COL5A2: variants seen among roughly 807,000 people sequenced by gnomAD.
COL5A2 encodes collagen type V alpha 2 chain.
Under a neutral mutation model 208.2 loss-of-function variants are expected in COL5A2, and 23 were observed. The ratio of observed to expected loss-of-function variants is 0.11; its 90% CI spans 0.08 to 0.16. The LOEUF (loss-of-function observed/expected upper bound fraction) is 0.16, where lower values mean the gene tolerates loss of function less well. Ranked by LOEUF, COL5A2 falls within the 10% of genes least tolerant of loss-of-function variation. The pLI is 1.00. For synonymous variants in COL5A2, 625 were observed against 628.5 expected (o/e 0.99, Z 0.08); for missense variants, 1,590 against 1,956.4 (o/e 0.81, Z 3.53).
rs371078240 is a variant in COL5A2, at chr2:189,126,351, A to G, written c.98-15902T>C. On this transcript the variant is annotated intron_variant, in intron 1 of 53. Transcript: ENST00000374866. ...TTTAAGTTGTGATTAAACCCAAAGT[A>G]ATATTTTTATTTTAAAATGTTAATA... 9.9e-5 allele frequency among the ~76,000 whole-genome samples: 15 copies of G among 152,190 alleles called. No homozygotes were observed. In the East Asian group the frequency reaches 2.5e-3, roughly 25 times the overall value.
the COL5A2 span, among the ~76,000 whole-genome samples, chr2:189,243,788 G>A: frequency 6.6e-6 from 1 of 152,134 alleles, no homozygotes; most frequent in Non-Finnish European, 1.5e-5. Flanking sequence ...CTCTGCCTAC[G>A]AGCCTGTAAA....
intron 1 of COL5A2, among the ~76,000 whole-genome samples, chr2:189,163,076 C>G (rs898023395): frequency 6.6e-6 from 1 of 152,098 alleles, no homozygotes; most frequent in Admixed American, 6.6e-5. Context: ...CAAATATGAT[C>G]TACTCCTCAG....
chr2:189,040,562 T>C (rs552457747), intron 50 of COL5A2, among the ~76,000 whole-genome samples: 1 of 152,130 alleles, frequency 6.6e-6, no homozygotes, highest in African/African-American at 2.4e-5. Context: ...AAGGCTGGAG[T>C]TCTACTATTG....
intron 1 of COL5A2, among the ~76,000 whole-genome samples, chr2:189,209,554 G>A (rs1437751889): frequency 1.3e-5 from 2 of 152,192 alleles, no homozygotes; most frequent in East Asian, 1.9e-4. Context: ...CACACAGATA[G>A]TAGTGCTGGA....
intron 1 of COL5A2, among the ~76,000 whole-genome samples, chr2:189,126,909 C>CA (rs1687617445): frequency 6.6e-6 from 1 of 151,944 alleles, no homozygotes; most frequent in South Asian, 2.1e-4. Context: ...CTTTAGGTGC[C>CA]AAAACTGAAC....
At chr2:189,248,807 T>A in the COL5A2 span, among the ~76,000 whole-genome samples, 4 of 152,158 alleles carry the variant, frequency 2.6e-5, no homozygotes, top group African/African-American at 9.6e-5. Flanking sequence ...GAATAATAAT[T>A]CAAGTTTCTG....
the COL5A2 span, among the ~76,000 whole-genome samples, chr2:189,289,431 C>T: frequency 6.6e-6 from 1 of 152,010 alleles, no homozygotes; most frequent in Non-Finnish European, 1.5e-5. Context: ...TAACATCATA[C>T]TCAATTGTGA....
the COL5A2 span, among the ~76,000 whole-genome samples, chr2:189,351,202 G>A: frequency 0.57 from 85,930 of 152,040 alleles, 26,155 homozygotes; most frequent in East Asian, 0.71. Flanking sequence ...TAAAACAGAC[G>A]CTATTTCAAA....
the COL5A2 span, among the ~76,000 whole-genome samples, chr2:189,243,782 G>A: frequency 6.6e-6 from 1 of 152,130 alleles, no homozygotes; most frequent in East Asian, 1.9e-4. Flanking sequence ...AGTCCCCTCT[G>A]CCTACGAGCC....
At chr2:189,112,136 C>T (rs1303517438) in intron 1 of COL5A2, among the ~76,000 whole-genome samples, 1 of 152,074 alleles carries the variant, frequency 6.6e-6, no homozygotes, top group Non-Finnish European at 1.5e-5. Context: ...GGATTACAGC[C>T]GTGAACCACT....
At chr2:189,142,294 C>T (rs1268258159) in intron 1 of COL5A2, among the ~76,000 whole-genome samples, 2 of 151,900 alleles carry the variant, frequency 1.3e-5, no homozygotes, top group South Asian at 4.1e-4. Flanking sequence ...AAAATAAATG[C>T]TTAACATTTA....
chr2:189,045,055 T>G (rs1685636224), intron 47 of COL5A2, 124 bp downstream of exon 47: 17 of 553,824 alleles, frequency 3.1e-5, no homozygotes. Context: ...TAATTTTTAA[T>G]TAATATTTTT....
rs186461274 is a variant in COL5A2 at position 189,154,711 on chromosome 2, C to A, written c.97+24797G>T. ...TTCTTGACTCAAGCAATCTTCCCAC[C>A]TCGGCCACCCAAAGCACTGGGATTT... On this transcript the variant is annotated intron_variant, in intron 1 of 53. Coordinates refer to ENST00000374866, the MANE Select transcript of COL5A2 (RefSeq NM_000393.5). Among the ~76,000 whole-genome samples the A allele has an allele frequency of 2.7e-3, 413 of 151,956 alleles. 2 individuals are homozygous for A. The highest frequency in any genetic ancestry group is 9.3e-3 in the African/African-American group (386 of 41,460).
At chr2:189,227,104 T>C (rs1018410831), upstream of COL5A2, among the ~76,000 whole-genome samples, 12 of 152,042 alleles carry the variant, frequency 7.9e-5, no homozygotes, top group African/African-American at 2.9e-4. Context: ...CTTGGGCCAA[T>C]TGGTGAAAGT....
Position 189,079,169 on chromosome 2 carries a change from C to G in COL5A2, c.961-62G>C, listed in dbSNP as rs1026795836. 3.2e-6 allele frequency: 4 copies of G among 1,239,676 alleles called. No homozygotes were observed. The African/African-American group carries it at 6.0e-5, about 19-fold the overall frequency. The allele number at this position is 1,239,676 out of a possible 1,614,324, so 76.8% of individuals were successfully genotyped here. A position where few individuals can be genotyped will look rare whatever the true frequency, so the allele number is the denominator to read the frequency against. ...CCTACAACCGATACATCACTTTGTTCTGTGTGTGTAATTTTAAAAGCATAT... is the reference window on the plus strand; with the variant it reads ...CCTACAACCGATACATCACTTTGTTGTGTGTGTGTAATTTTAAAAGCATAT... On this transcript the variant is annotated intron_variant, in intron 14 of 53. Coordinates refer to ENST00000374866, the MANE Select transcript of COL5A2 (RefSeq NM_000393.5).
At chr2:189,079,860 A>G in intron 14 of COL5A2, 118 bp downstream of exon 14, 2 of 868,726 alleles carry the variant, frequency 2.3e-6, no homozygotes, top group Non-Finnish European at 3.9e-6. Context: ...TATTTACCTA[A>G]CCATTTGTTT....
At chr2:189,183,330 C>T (rs1688806631), upstream of COL5A2, among the ~76,000 whole-genome samples, 1 of 152,138 alleles carries the variant, frequency 6.6e-6, no homozygotes, top group Admixed American at 6.5e-5. Flanking sequence ...TTTTCTAATT[C>T]CTCTCAGAAA....
the COL5A2 span, among the ~76,000 whole-genome samples, chr2:189,337,169 G>C: frequency 6.7e-6 from 1 of 149,740 alleles, no homozygotes; most frequent in African/African-American, 2.5e-5. Context: ...AGTGTTTTTT[G>C]ACATCATTTT....
At chr2:189,138,945 G>T (rs1403615236) in intron 1 of COL5A2, among the ~76,000 whole-genome samples, 1 of 152,174 alleles carries the variant, frequency 6.6e-6, no homozygotes, top group Non-Finnish European at 1.5e-5. Context: ...AATTGCAAAT[G>T]ATTTATGTAG....
Sources: allele counts gnomAD v4.1 joint callset (sites outside exome capture counted in the v4.1 genomes callset), GRCh38; gene constraint gnomAD v4.1.1; transcripts MANE v1.5; gene names NCBI Gene and HGNC (gene_info 2026-07-23, HGNC 2026-07-21).